The following UTRN variants were observed in gnomAD, a reference collection of about 807,000 sequenced individuals.
UTRN encodes dystrophin-related protein 1.
UTRN carries 283 observed loss-of-function variants against 463.9 expected under a neutral mutation model. The observed-to-expected ratio is 0.61, with a 90% CI of 0.55 to 0.67. UTRN has a LOEUF of 0.67. Ranked by LOEUF, UTRN falls within the 30% of genes least tolerant of loss-of-function variation. The pLI, the probability that UTRN is intolerant of heterozygous loss-of-function variation, is 0.00. For missense variants in UTRN, 3,922 were observed against 4,084.3 expected (o/e 0.96, Z 1.08); for synonymous variants, 1,442 against 1,431.5 (o/e 1.01, Z -0.17).
chr6:144,367,033 G>C (rs759528721), intron 2 of UTRN, among the ~76,000 whole-genome samples: 1 of 152,000 alleles, frequency 6.6e-6, no homozygotes, highest in Non-Finnish European at 1.5e-5. Flanking sequence ...ATCCAGACTG[G>C]AGTGCAGTAG....
At chr6:144,724,284 AG>A (rs1787588035) in intron 53 of UTRN, among the ~76,000 whole-genome samples, 1 of 129,202 alleles carries the variant, frequency 7.7e-6, no homozygotes, top group South Asian at 2.5e-4. Flanking sequence ...CCTGGAGTGC[AG>A]TGGCGCAATC....
Position 144,373,354 on chromosome 6 carries a change from T to C in UTRN, c.80-29769T>C, listed in dbSNP as rs182761860. On this transcript the variant is annotated intron_variant, in intron 2 of 74. Transcript: ENST00000367545. ...TTCAGCCATACAGGAAATACAGGAC[T>C]GATACAAGCTGCAACATGCATGGGC... is the stretch of plus-strand genomic sequence containing the variant. Among the ~76,000 whole-genome samples, 501 of 152,344 alleles carry C rather than the reference T, an allele frequency of 3.3e-3. 3 individuals are homozygous for C. Among genetic ancestry groups the C allele is most frequent in the Middle Eastern group, 0.014 (4 of 294 alleles).
chr6:144,743,896 G>A (rs1790378547), intron 54 of UTRN, among the ~76,000 whole-genome samples: 1 of 151,554 alleles, frequency 6.6e-6, no homozygotes, highest in Non-Finnish European at 1.5e-5. Context: ...GCTTTGTAAT[G>A]CAATAAATAA....
In UTRN at chr6:144,461,279, C is replaced by G; in HGVS notation, c.2790C>G (p.Ala930=). 6.2e-7 allele frequency: 1 copy of G among 1,605,680 alleles called. No homozygotes were observed. The highest frequency in any genetic ancestry group is 8.5e-7 in the Non-Finnish European group (1 of 1,174,928). The change falls in exon 22 of 75, where the codon GCC becomes GCG. Residue 930 remains alanine, a synonymous_variant. Transcript: ENST00000367545. ...KDVLNDSENK[A]QVSLNVLNDL... is the part of the protein sequence containing the mutation. ...TGCTAAATGATTCAGAAAATAAGGC[C>G]CAGGTGTCTCTGAATGTCCTTAATG...
intron 2 of UTRN, among the ~76,000 whole-genome samples, chr6:144,313,948 C>T (rs1165893052): frequency 6.6e-6 from 1 of 152,112 alleles, no homozygotes; most frequent in Non-Finnish European, 1.5e-5. Context: ...TTCATATTTA[C>T]TTTTTATAAT....
intron 53 of UTRN, among the ~76,000 whole-genome samples, chr6:144,728,348 G>C (rs574913606): frequency 6.6e-6 from 1 of 151,956 alleles, no homozygotes; most frequent in African/African-American, 2.4e-5. Context: ...AATAATCTAA[G>C]TTAAAGAACT....
chr6:144,399,988 G>T (rs1782795091), intron 2 of UTRN, among the ~76,000 whole-genome samples: 1 of 152,184 alleles, frequency 6.6e-6, no homozygotes, highest in Admixed American at 6.5e-5. Flanking sequence ...TTTAGAGGAA[G>T]AATTTGGGAA....
chr6:144,416,845 C>G (rs1784402848), intron 3 of UTRN, among the ~76,000 whole-genome samples: 1 of 152,180 alleles, frequency 6.6e-6, no homozygotes, highest in Admixed American at 6.5e-5. Context: ...ATGACCTGAA[C>G]TTGGCATTTC....
intron 2 of UTRN, among the ~76,000 whole-genome samples, chr6:144,320,894 C>T (rs776717756): frequency 2.0e-4 from 30 of 152,180 alleles, no homozygotes; most frequent in Non-Finnish European, 3.8e-4. Context: ...GCACCTTATT[C>T]ACCAGATTTA....
chr6:144,778,767 G>T (rs189609309), intron 60 of UTRN, among the ~76,000 whole-genome samples: 3 of 152,234 alleles, frequency 2.0e-5, no homozygotes, highest in African/African-American at 7.2e-5. Context: ...CATCCCCTGT[G>T]CCTTGTATGT....
chr6:144,736,515 A>G (rs896002815), intron 54 of UTRN, among the ~76,000 whole-genome samples: 3 of 152,084 alleles, frequency 2.0e-5, no homozygotes, highest in Non-Finnish European at 4.4e-5. Flanking sequence ...ATGTATTTTT[A>G]AGTATTTAAA....
At chr6:144,687,977 A>T (rs878914622) in intron 52 of UTRN, among the ~76,000 whole-genome samples, 1 of 152,322 alleles carries the variant, frequency 6.6e-6, no homozygotes, top group Admixed American at 6.5e-5. Context: ...TCCCTCAGGA[A>T]CACCAGTGAT....
In UTRN at chr6:144,852,572, A is replaced by G. The variant is rs538204109; in HGVS notation, c.*1575A>G. 4 of 152,682 alleles carry G rather than the reference A, an allele frequency of 2.6e-5. No individual in the cohort carries two copies. The highest frequency in any genetic ancestry group is 3.9e-4 in the East Asian group (2 of 5,182). 9.5% of individuals were successfully genotyped at this position (152,682 alleles called of 1,614,324 possible). On this transcript the variant is annotated 3_prime_UTR_variant, in exon 75 of 75. Coordinates refer to ENST00000367545, the MANE Select transcript of UTRN (RefSeq NM_007124.3). Reference sequence around the variant, plus strand: ...TGAAAAGAAGAAAATTGTTTTATATAAAAAGGAAAGCCATGACCACCTTTC... The same window carrying G: ...TGAAAAGAAGAAAATTGTTTTATATGAAAAGGAAAGCCATGACCACCTTTC...
chr6:144,364,626 G>GT (rs1409124046), intron 2 of UTRN, among the ~76,000 whole-genome samples: 3 of 152,152 alleles, frequency 2.0e-5, no homozygotes, highest in Non-Finnish European at 2.9e-5. Context: ...TTTTGTGATT[G>GT]TTTCAAATTA....
chr6:144,356,192 A>G (rs1441014812), intron 2 of UTRN, among the ~76,000 whole-genome samples: 1 of 152,190 alleles, frequency 6.6e-6, no homozygotes, highest in Non-Finnish European at 1.5e-5. Flanking sequence ...GTTAGATATG[A>G]TATTTGTTTT....
At chr6:144,597,074 T>C (rs149941638) in intron 51 of UTRN, among the ~76,000 whole-genome samples, 1 of 152,060 alleles carries the variant, frequency 6.6e-6, no homozygotes, top group Non-Finnish European at 1.5e-5. Context: ...TTGTCTCTAC[T>C]GAAAGTGCAA....
rs763790258 is a variant in UTRN at position 144,537,604 on chromosome 6, G to T, written c.6256G>T (p.Val2086Leu). 3 of 1,599,106 alleles carry T rather than the reference G, an allele frequency of 1.9e-6. No individual in the cohort carries two copies. Among genetic ancestry groups the T allele is most frequent in the South Asian group, 1.1e-5 (1 of 88,198 alleles). Residue 2086 changes from valine to leucine, a missense_variant, in exon 44 of 75, where the codon GTG (valine) becomes TTG (leucine). This residue lies in a region of UTRN where 2,349 missense variants were observed against 2,303.8 expected (regional missense o/e 1.02). Coordinates refer to ENST00000367545, the MANE Select transcript of UTRN (RefSeq NM_007124.3). ...QPRLKGESKQ[V>L]MKYRHQLDEI... ...TAGGCTAAAAGGAGAAAGTAAGCAG[G>T]TGATGAAGTACAGGCATCAGCTAGA...
intron 52 of UTRN, among the ~76,000 whole-genome samples, chr6:144,679,140 G>A (rs562213004): frequency 6.6e-6 from 1 of 152,078 alleles, no homozygotes; most frequent in South Asian, 2.1e-4. Context: ...TATCTCTTAT[G>A]GACACTAAAA....
At chr6:144,624,266 GTATATT>G (rs1585629511) in intron 51 of UTRN, among the ~76,000 whole-genome samples, 1 of 152,278 alleles carries the variant, frequency 6.6e-6, no homozygotes, top group East Asian at 1.9e-4. Flanking sequence ...CTAGATTTGA[GTATATT>G]ACTGAAGGTT....
Sources: allele counts gnomAD v4.1 joint callset (sites outside exome capture counted in the v4.1 genomes callset), GRCh38; gene constraint gnomAD v4.1.1; regional missense constraint gnomAD v4.1.1; transcripts MANE v1.5; gene names NCBI Gene and HGNC (gene_info 2026-07-23, HGNC 2026-07-21).